The following ENG variants were observed in gnomAD, a reference collection of about 807,000 sequenced individuals.
The protein encoded by ENG is endoglin, also known as CD105 antigen.
Under a neutral mutation model 71.0 loss-of-function variants are expected in ENG, and 17 were observed. The observed-to-expected ratio is 0.24, with a 90% confidence interval of 0.16 to 0.36. The LOEUF (loss-of-function observed/expected upper bound fraction) is 0.36, where lower values mean the gene tolerates loss of function less well. Among genes scored for constraint, ENG ranks in the 10% least tolerant of loss-of-function variants. The pLI is 1.00. For synonymous variants in ENG, 360 were observed against 366.9 expected, an observed-to-expected ratio of 0.98 and a Z score of 0.21; for missense variants, 749 against 868.3, an observed-to-expected ratio of 0.86 and a Z score of 1.73.
Position 127,824,381 on chromosome 9 carries a change from C to T in ENG, c.1057G>A (p.Glu353Lys). The change falls in exon 8 of 15, where the codon GAG becomes AAG. Residue 353 changes from glutamate (E) to lysine (K), a missense_variant. Transcript: ENST00000373203. ...TTPPKDTCSPELLMSLIQTKC... is the reference protein window; with the variant it reads ...TTPPKDTCSPKLLMSLIQTKC... ...GTCTGGATCAAGGACATGAGCAGCTCCGGGCTACAAGTGTCCTTGGGAGGA... is the reference window on the plus strand; with the variant it reads ...GTCTGGATCAAGGACATGAGCAGCTTCGGGCTACAAGTGTCCTTGGGAGGA... The T allele has an allele frequency of 3.7e-6, 6 of 1,614,136 alleles. No homozygotes were observed. The highest frequency in any genetic ancestry group is 5.1e-6 in the Non-Finnish European group (6 of 1,180,018).
chr9:127,825,471 G>A (rs1327218758), intron 5 of ENG, 114 bp from the exon 6 acceptor site: 86 of 1,530,206 alleles, frequency 5.6e-5, no homozygotes, highest in Non-Finnish European at 3.6e-6. Context: ...GTGGGTTTAT[G>A]GGATAGGGAT....
At chr9:127,832,912 A>G (rs189406141) in intron 2 of ENG, among the ~76,000 whole-genome samples, 78 of 152,214 alleles carry the variant, frequency 5.1e-4, no homozygotes, top group Non-Finnish European at 8.8e-4. Flanking sequence ...GCATGCCACC[A>G]TGCCCAGCTA....
chr9:127,830,741 G>A (rs1196708573), intron 2 of ENG, among the ~76,000 whole-genome samples: 1 of 151,948 alleles, frequency 6.6e-6, no homozygotes, highest in Non-Finnish European at 1.5e-5. Context: ...CTGGGCCTTA[G>A]GGAGTGTCCT....
At chr9:127,828,360 G>A (rs1226597602) in intron 3 of ENG, among the ~76,000 whole-genome samples, 3 of 152,170 alleles carry the variant, frequency 2.0e-5, no homozygotes, top group African/African-American at 7.2e-5. Flanking sequence ...CACGACGTCT[G>A]TTGGTCGCCT....
At chr9:127,823,170 G>A (rs566163128) in intron 8 of ENG, among the ~76,000 whole-genome samples, 5 of 151,404 alleles carry the variant, frequency 3.3e-5, no homozygotes, top group African/African-American at 7.3e-5. Flanking sequence ...ATTTTGAGAC[G>A]AGTCTTGCTC....
At chr9:127,831,389 T>C (rs983755823) in intron 2 of ENG, among the ~76,000 whole-genome samples, 4 of 151,304 alleles carry the variant, frequency 2.6e-5, no homozygotes, top group Non-Finnish European at 4.4e-5. Context: ...TTTTTTTTTT[T>C]TTCTTTTTTT....
In ENG at chr9:127,824,376, C is replaced by G. The variant is rs1429756877; in HGVS notation, c.1062G>C (p.Leu354=). The G allele has an allele frequency of 6.2e-7, 1 of 1,614,164 alleles. No individual in the cohort carries two copies. The highest frequency in any genetic ancestry group is 1.7e-5 in the Admixed American group (1 of 60,020). The part of the protein sequence containing the change: ...TPPKDTCSPE[L]LMSLIQTKCA... ...ACTTTGTCTGGATCAAGGACATGAG[C>G]AGCTCCGGGCTACAAGTGTCCTTGG... The change falls in exon 8 of 15, where the codon CTG becomes CTC. Residue 354 remains leucine (L), a synonymous_variant. Transcript: ENST00000373203.
chr9:127,819,531 C>T, intron 10 of ENG, 91 bp downstream of exon 10: 2 of 1,578,194 alleles, frequency 1.3e-6, no homozygotes, highest in Non-Finnish European at 1.7e-6. Flanking sequence ...CAGGAGTTTC[C>T]CGAGGCCTGC....
intron 8 of ENG, among the ~76,000 whole-genome samples, chr9:127,820,685 C>T (rs1337625594): frequency 6.6e-6 from 1 of 151,142 alleles, no homozygotes; most frequent in Non-Finnish European, 1.5e-5. Flanking sequence ...AAAAATTAGC[C>T]GGGCGTGGTG....
chr9:127,825,933 A>C, intron 4 of ENG, 73 bp from the exon 5 acceptor site: 1 of 1,534,446 alleles, frequency 6.5e-7, no homozygotes, highest in Non-Finnish European at 8.8e-7. Context: ...CCTCACCCAC[A>C]GCCAAAGATA....
At chr9:127,847,478 G>C (rs550944097) in intron 1 of ENG, among the ~76,000 whole-genome samples, 34 of 151,282 alleles carry the variant, frequency 2.2e-4, no homozygotes, top group Non-Finnish European at 4.6e-4. Context: ...TCTTTTCTGA[G>C]ATAGAGTCTC....
chr9:127,852,352 G>A (rs1013614510), intron 1 of ENG, among the ~76,000 whole-genome samples: 1 of 152,150 alleles, frequency 6.6e-6, no homozygotes, highest in Non-Finnish European at 1.5e-5. Flanking sequence ...ATTTCTAGGA[G>A]GTCAGGGTCA....
chr9:127,846,716 C>T lies in ENG; in HGVS notation c.68-3471G>A, dbSNP rs942731897. 7.2e-5 allele frequency among the ~76,000 whole-genome samples: 11 copies of T among 152,162 alleles called. No individual in the cohort carries two copies. Among genetic ancestry groups the T allele is most frequent in the Admixed American group, 7.2e-4 (11 of 15,274 alleles). ...GGGAGTGTGACGCCTGGGCCTGTCT[C>T]CCGGAGCCTGAGGCGGGCCCAGACC... On this transcript the variant is annotated intron_variant, in intron 1 of 14. Transcript: ENST00000373203. The surrounding 1 kb of genome is among the most constrained non-coding windows in gnomAD (Gnocchi z 5.5).
At chr9:127,849,770 C>T (rs770611926) in intron 1 of ENG, among the ~76,000 whole-genome samples, 12 of 152,226 alleles carry the variant, frequency 7.9e-5, no homozygotes. Context: ...CAGCACACTG[C>T]AGTGCTTAGG....
chr9:127,825,696 C>T lies in ENG; in HGVS notation c.688G>A (p.Gly230Arg), dbSNP rs546671241. 26 of 1,580,484 alleles carry T rather than the reference C, an allele frequency of 1.6e-5. No homozygotes were observed. Among genetic ancestry groups the T allele is most frequent in the East Asian group, 9.0e-5 (4 of 44,280 alleles). ...TCAGGGGCGGGGCGAGAGCCATACC[C>T]GGCCGAGTGGCCCGGCAGGACCCTC... is the stretch of plus-strand genomic sequence containing the variant. ...ILRVLPGHSAGPRTVTVKVEL... is the reference protein window; with the variant it reads ...ILRVLPGHSARPRTVTVKVEL... Residue 230 changes from glycine to arginine, a missense_variant and splice_region_variant, in exon 5 of 15, where the codon GGG (glycine) becomes AGG (arginine). Gly to Arg is a moderately radical substitution (Grantham distance 125). Coordinates refer to ENST00000373203, the MANE Select transcript of ENG (RefSeq NM_001114753.3).
chr9:127,826,719 C>T, intron 3 of ENG, 47 bp from the exon 4 acceptor site: 1 of 1,608,434 alleles, frequency 6.2e-7, no homozygotes, highest in Non-Finnish European at 8.5e-7. Flanking sequence ...GGCCCTGTGC[C>T]CTCTCTATCC....
At chr9:127,825,632 G>GA (rs1258609087) in intron 5 of ENG, 63 bp downstream of exon 5, 19 of 1,402,900 alleles carry the variant, frequency 1.4e-5, no homozygotes, top group Non-Finnish European at 1.8e-5. Flanking sequence ...AGGGGGCGGG[G>GA]GGGGTCAGGG....
chr9:127,841,842 G>C (rs1283072952), intron 2 of ENG, among the ~76,000 whole-genome samples: 1 of 152,222 alleles, frequency 6.6e-6, no homozygotes. Flanking sequence ...GGCATCCCCA[G>C]GGATCTGGTG....
At chr9:127,819,450 G>A (rs954457101) in intron 10 of ENG, 172 bp downstream of exon 10, 31 of 812,812 alleles carry the variant, frequency 3.8e-5, no homozygotes, top group African/African-American at 1.4e-4. Context: ...GACCAAGAGC[G>A]TCACCCTCAG....
Sources: gnomAD v4.1 joint callset for allele counts (sites outside exome capture counted in the v4.1 genomes callset) on GRCh38, gnomAD v4.1.1 for gene constraint, Gnocchi (gnomAD v3.1) non-coding constraint, MANE v1.5 for transcripts, NCBI Gene and HGNC (gene_info 2026-07-23, HGNC 2026-07-21) for gene names.